PITPNA: variants seen among roughly 807,000 people sequenced by gnomAD.
PITPNA encodes the protein phosphatidylinositol transfer protein alpha isoform.
Under a neutral mutation model 50.3 loss-of-function variants are expected in PITPNA, and 13 were observed. The ratio of observed to expected loss-of-function variants is 0.26; its 90% CI spans 0.17 to 0.41. The LOEUF is 0.41. Ranked by LOEUF, PITPNA falls within the 10% of genes least tolerant of loss-of-function variation. The pLI, the probability that PITPNA is intolerant of heterozygous loss-of-function variation, is 1.00. For synonymous variants in PITPNA, 120 were observed against 119.6 expected (o/e 1.00, Z -0.02); for missense variants, 207 against 333.4 (o/e 0.62, Z 2.95).
intron 6 of PITPNA, among the ~76,000 whole-genome samples, chr17:1,541,277 T>A (rs1304772957): frequency 1.3e-5 from 2 of 152,162 alleles, no homozygotes; most frequent in Admixed American, 6.5e-5. Context: ...CTGCAAATTG[T>A]GCTCTATAGA....
chr17:1,531,110 AG>A (rs2075579836), intron 10 of PITPNA, among the ~76,000 whole-genome samples: 1 of 152,114 alleles, frequency 6.6e-6, no homozygotes, highest in South Asian at 2.1e-4. Context: ...TCAGGACCCC[AG>A]GTGCTGCTAG....
intron 10 of PITPNA, among the ~76,000 whole-genome samples, chr17:1,522,570 A>G (rs1012548945): frequency 6.6e-6 from 1 of 151,374 alleles, no homozygotes; most frequent in East Asian, 1.9e-4. Context: ...ACGGGGTTTC[A>G]CCATTTTGGC....
At chr17:1,529,004 GGC>G (rs1194444980) in intron 10 of PITPNA, among the ~76,000 whole-genome samples, 1 of 151,906 alleles carries the variant, frequency 6.6e-6, no homozygotes, top group East Asian at 1.9e-4. Context: ...TGGGCGTGGT[GGC>G]GCACACCTGT....
intron 10 of PITPNA, among the ~76,000 whole-genome samples, chr17:1,522,510 T>A (rs1437148032): frequency 2.0e-5 from 3 of 152,156 alleles, no homozygotes; most frequent in Non-Finnish European, 4.4e-5. Context: ...GTAGCTGGGA[T>A]TGCAGGTATG....
intron 3 of PITPNA, among the ~76,000 whole-genome samples, chr17:1,552,107 G>C (rs577380815): frequency 1.3e-5 from 2 of 152,248 alleles, no homozygotes; most frequent in Non-Finnish European, 2.9e-5. Context: ...TTTTCCAAAT[G>C]AAAGTCAATT....
At chr17:1,527,074 C>A (rs779097492) in intron 10 of PITPNA, among the ~76,000 whole-genome samples, 1 of 151,208 alleles carries the variant, frequency 6.6e-6, no homozygotes, top group Non-Finnish European at 1.5e-5. Context: ...TTCAGTCTTA[C>A]AATGATCTAA....
At position 1,562,575 on chromosome 17, in the gene PITPNA, C is replaced by G; in HGVS notation, c.-15G>C. ...AGCAGCACCATGTCGCTTCGCGGCT[C>G]GGTGGCTGCCCGCGGCCCGCCCGGC... On this transcript the variant is annotated 5_prime_UTR_variant, in exon 1 of 12. Transcript: ENST00000313486. The surrounding 1 kb of genome is among the most constrained non-coding windows in gnomAD (Gnocchi z 6.4). 7.6e-7 allele frequency: 1 copy of G among 1,309,554 alleles called. No individual in the cohort carries two copies. Among genetic ancestry groups the G allele is most frequent in the Non-Finnish European group, 9.8e-7 (1 of 1,021,448 alleles). The allele number at this position is 1,309,554 out of a possible 1,614,324, so 81.1% of individuals were successfully genotyped here. A position where few individuals can be genotyped will look rare whatever the true frequency, so the allele number is the denominator to read the frequency against.
intron 4 of PITPNA, among the ~76,000 whole-genome samples, chr17:1,544,614 A>G (rs569346034): frequency 6.6e-6 from 1 of 152,322 alleles, no homozygotes; most frequent in South Asian, 2.1e-4. Flanking sequence ...GAGAGCAGAG[A>G]TTTCCAAATG....
chr17:1,535,340 C>T lies in PITPNA; in HGVS notation c.535-48G>A, dbSNP rs768060072. 6.6e-6 allele frequency: 10 copies of T among 1,515,428 alleles called. No individual in the cohort carries two copies. In the South Asian group the frequency reaches 1.0e-4, roughly 15 times the overall value. 93.9% of individuals were successfully genotyped at this position (1,515,428 alleles called of 1,614,324 possible). A position where few individuals can be genotyped will look rare whatever the true frequency, so the allele number is the denominator to read the frequency against. ...GGTACGCAAGTAACAACGGGCAGAC[C>T]TCAGGCCGTCCCCAGCTCACCCCAG... On this transcript the variant is annotated intron_variant, in intron 8 of 11. Coordinates refer to ENST00000313486, the MANE Select transcript of PITPNA (RefSeq NM_006224.4).
At chr17:1,525,504 C>CTTTTTTTTTTT (rs11329480) in intron 10 of PITPNA, among the ~76,000 whole-genome samples, 2 of 101,718 alleles carry the variant, frequency 2.0e-5, no homozygotes, top group African/African-American at 7.7e-5. Context: ...CACTGGGAAA[C>CTTTTTTTTTTT]TTTTTTTTTT....
At chr17:1,547,177 T>G (rs1598410786) in intron 4 of PITPNA, among the ~76,000 whole-genome samples, 1 of 127,668 alleles carries the variant, frequency 7.8e-6, no homozygotes, top group African/African-American at 3.0e-5. Context: ...CTGGGCAACA[T>G]GGTGAGACCC....
chr17:1,532,322 C>T (rs1363172292), intron 10 of PITPNA, among the ~76,000 whole-genome samples: 2 of 152,124 alleles, frequency 1.3e-5, no homozygotes, highest in Non-Finnish European at 1.5e-5. Flanking sequence ...CTCCTGACCT[C>T]GTGATCTGCC....
At chr17:1,552,958 A>C in intron 3 of PITPNA, 46 bp downstream of exon 3, 1 of 1,601,936 alleles carries the variant, frequency 6.2e-7, no homozygotes, top group South Asian at 1.1e-5. Flanking sequence ...ACTCATTCAC[A>C]CACACACAAA....
Position 1,535,256 on chromosome 17 carries a change from A to G in PITPNA, c.571T>C (p.Cys191Arg). Residue 191 changes from cysteine to arginine, a missense_variant, in exon 9 of 12, where the codon TGT (cysteine) becomes CGT (arginine). By Grantham distance (180) the Cys-to-Arg change is radical (BLOSUM62 -3). Transcript: ENST00000313486. ...LVNQKDCPYM[C>R]AYKLVTVKFK... is the part of the protein sequence containing the mutation. Reference sequence around the variant, plus strand: ...TTGACGGTCACCAGTTTGTATGCACACATATATGGGCAGTCCTTCTGGTTT... The same window carrying G: ...TTGACGGTCACCAGTTTGTATGCACGCATATATGGGCAGTCCTTCTGGTTT... 1 of 1,613,736 alleles carries G rather than the reference A, an allele frequency of 6.2e-7. No homozygotes were observed. The highest frequency in any genetic ancestry group is 8.5e-7 in the Non-Finnish European group (1 of 1,179,616).
chr17:1,549,975 G>A (rs890521561), intron 3 of PITPNA, among the ~76,000 whole-genome samples: 11 of 152,098 alleles, frequency 7.2e-5, no homozygotes, highest in South Asian at 4.1e-4. Flanking sequence ...GCGCCCAGCC[G>A]TCCTTGGTTT....
At chr17:1,545,917 C>CTTTTTTTTT (rs11322049) in intron 4 of PITPNA, among the ~76,000 whole-genome samples, 3 of 86,364 alleles carry the variant, frequency 3.5e-5, no homozygotes, top group African/African-American at 1.5e-4. Context: ...TGCATACTGC[C>CTTTTTTTTT]TTTTTTTTTT....
chr17:1,538,885 C>T lies in PITPNA; in HGVS notation c.440G>A (p.Ser147Asn). 1 of 1,613,158 alleles carries T rather than the reference C, an allele frequency of 6.2e-7. No homozygotes were observed. Among genetic ancestry groups the T allele is most frequent in the Non-Finnish European group, 8.5e-7 (1 of 1,179,164 alleles). The change falls in exon 7 of 12, where the codon AGC becomes AAC. Residue 147 changes from serine to asparagine, a missense_variant. Coordinates refer to ENST00000313486, the MANE Select transcript of PITPNA (RefSeq NM_006224.4). The part of the protein sequence containing the change: ...EAVYIDIADR[S>N]QVLSKDYKAE... ...GGATCCTACCTTGCTGAGCACTTGG[C>T]TTCGATCTGCAATGTCTATATATAC... is the stretch of plus-strand genomic sequence containing the variant.
At chr17:1,533,700 C>T (rs955053073) in intron 10 of PITPNA, among the ~76,000 whole-genome samples, 1 of 152,220 alleles carries the variant, frequency 6.6e-6, no homozygotes, top group African/African-American at 2.4e-5. Flanking sequence ...CTCCTGCGTG[C>T]GCTGTGGCTG....
intron 3 of PITPNA, among the ~76,000 whole-genome samples, chr17:1,551,069 G>A (rs577250842): frequency 7.9e-5 from 12 of 151,866 alleles, no homozygotes; most frequent in Admixed American, 6.6e-4. Flanking sequence ...TTGCGGGGCG[G>A]AGTCAGCGGG....
Sources: gnomAD v4.1 joint callset for allele counts (sites outside exome capture counted in the v4.1 genomes callset) on GRCh38, gnomAD v4.1.1 for gene constraint, Gnocchi (gnomAD v3.1) non-coding constraint, MANE v1.5 for transcripts, NCBI Gene and HGNC (gene_info 2026-07-23, HGNC 2026-07-21) for gene names.